The following LHFPL6 variants were observed in gnomAD, a reference collection of about 807,000 sequenced individuals.
LHFPL6 encodes LHFPL tetraspan subfamily member 6 protein.
A neutral mutation model predicts 20.6 loss-of-function variants in LHFPL6; 9 were observed. The ratio of observed to expected loss-of-function variants is 0.44; its 90% CI spans 0.26 to 0.76. The LOEUF is 0.76. LHFPL6 is among the 30% of genes least tolerant of loss of function. The pLI, the probability that LHFPL6 is intolerant of heterozygous loss-of-function variation, is 0.20. For missense variants in LHFPL6, 218 were observed against 253.5 expected (o/e 0.86, Z 0.95); for synonymous variants, 105 against 98.7 (o/e 1.06, Z -0.38).
intron 2 of LHFPL6, among the ~76,000 whole-genome samples, chr13:39,595,088 G>T (rs1286266562): frequency 6.6e-6 from 1 of 151,992 alleles, no homozygotes; most frequent in Admixed American, 6.6e-5. Flanking sequence ...TGCACGTTGT[G>T]CACATGTACC....
chr13:39,406,223 A>G (rs1448497297), intron 2 of LHFPL6, among the ~76,000 whole-genome samples: 1 of 152,212 alleles, frequency 6.6e-6, no homozygotes, highest in Non-Finnish European at 1.5e-5. Flanking sequence ...ACAATACACC[A>G]TTTGAGGAAG....
At chr13:39,523,028 G>C (rs1355120016) in intron 2 of LHFPL6, among the ~76,000 whole-genome samples, 1 of 152,104 alleles carries the variant, frequency 6.6e-6, no homozygotes, top group East Asian at 1.9e-4. Flanking sequence ...CTACTCAAAA[G>C]TCTTTGTAGG....
intron 2 of LHFPL6, among the ~76,000 whole-genome samples, chr13:39,558,231 G>A (rs1042695119): frequency 2.0e-5 from 3 of 152,110 alleles, no homozygotes; most frequent in African/African-American, 4.8e-5. Flanking sequence ...GATGAGCTGT[G>A]GGGCCTTGGA....
intron 3 of LHFPL6, among the ~76,000 whole-genome samples, chr13:39,374,617 T>C (rs1462718260): frequency 1.3e-5 from 2 of 152,120 alleles, no homozygotes; most frequent in Admixed American, 6.5e-5. Flanking sequence ...AGAGACCATA[T>C]AACTCACAAA....
intron 2 of LHFPL6, among the ~76,000 whole-genome samples, chr13:39,508,401 C>G (rs751717991): frequency 1.3e-5 from 2 of 152,170 alleles, no homozygotes; most frequent in Non-Finnish European, 2.9e-5. Flanking sequence ...ATGGCAAAAC[C>G]ATCACCACAA....
At chr13:39,518,681 A>G (rs1191820839) in intron 2 of LHFPL6, among the ~76,000 whole-genome samples, 1 of 152,214 alleles carries the variant, frequency 6.6e-6, no homozygotes, top group Non-Finnish European at 1.5e-5. Flanking sequence ...CTTCTACAAT[A>G]GTATTTCTCA....
chr13:39,444,647 G>A (rs1269603563), intron 2 of LHFPL6, among the ~76,000 whole-genome samples: 1 of 151,524 alleles, frequency 6.6e-6, no homozygotes, highest in African/African-American at 2.4e-5. Context: ...CCACTCCACA[G>A]GGTACAAGCT....
intron 2 of LHFPL6, among the ~76,000 whole-genome samples, chr13:39,390,676 T>C (rs1870684278): frequency 1.3e-5 from 2 of 151,930 alleles, no homozygotes; most frequent in Admixed American, 1.3e-4. Flanking sequence ...TACTCCTAAA[T>C]CCATACAAAT....
At chr13:39,517,584 C>G (rs147904981) in intron 2 of LHFPL6, among the ~76,000 whole-genome samples, 63 of 152,310 alleles carry the variant, frequency 4.1e-4, no homozygotes, top group African/African-American at 1.3e-3. Flanking sequence ...TTCCTCAACT[C>G]CTTGAAAAAT....
At chr13:39,538,873 G>C (rs1186088480) in intron 2 of LHFPL6, among the ~76,000 whole-genome samples, 2 of 152,134 alleles carry the variant, frequency 1.3e-5, no homozygotes, top group Non-Finnish European at 2.9e-5. Flanking sequence ...TATAAAATGT[G>C]ATTTATTCAT....
At chr13:39,409,283 G>A (rs1014763866) in intron 2 of LHFPL6, among the ~76,000 whole-genome samples, 10 of 151,834 alleles carry the variant, frequency 6.6e-5, no homozygotes, top group Non-Finnish European at 1.3e-4. Context: ...GTGAAACCCC[G>A]TCTCTACTAA....
At chr13:39,555,541 T>C (rs1328053857) in intron 2 of LHFPL6, among the ~76,000 whole-genome samples, 2 of 152,300 alleles carry the variant, frequency 1.3e-5, no homozygotes, top group East Asian at 3.9e-4. Context: ...GTAAAATGAA[T>C]GGCTGAGGCT....
chr13:39,364,946 A>T (rs1869972593), intron 3 of LHFPL6, among the ~76,000 whole-genome samples: 2 of 152,222 alleles, frequency 1.3e-5, no homozygotes, highest in Admixed American at 1.3e-4. Flanking sequence ...GATAAAGCAA[A>T]CATGTTGGCT....
chr13:39,575,740 C>T (rs991780405), intron 2 of LHFPL6, among the ~76,000 whole-genome samples: 3 of 152,128 alleles, frequency 2.0e-5, no homozygotes, highest in Non-Finnish European at 4.4e-5. Flanking sequence ...GAGCTCCTTC[C>T]GCTGTGGGGT....
At chr13:39,359,725 C>T (rs1025046418) in intron 3 of LHFPL6, among the ~76,000 whole-genome samples, 1 of 151,988 alleles carries the variant, frequency 6.6e-6, no homozygotes, top group African/African-American at 2.4e-5. Context: ...ACCTCTGCAT[C>T]ACACAATATA....
At chr13:39,386,823 T>G (rs1224817960) in intron 2 of LHFPL6, among the ~76,000 whole-genome samples, 1 of 152,228 alleles carries the variant, frequency 6.6e-6, no homozygotes, top group South Asian at 2.1e-4. Flanking sequence ...CCTGACTTAC[T>G]GCACCTATTA....
intron 2 of LHFPL6, among the ~76,000 whole-genome samples, chr13:39,467,599 T>C (rs1455038925): frequency 1.3e-5 from 2 of 152,128 alleles, no homozygotes; most frequent in African/African-American, 4.8e-5. Context: ...GATCCACCAA[T>C]GAGAAATGCA....
In LHFPL6 at chr13:39,601,050, T is replaced by C; in HGVS notation, c.167A>G (p.Asp56Gly). ...CATCACCATCATCTGCCGACTCTCATCATGCACAGGATATGAGCACCTCCG... is the reference window on the plus strand; with the variant it reads ...CATCACCATCATCTGCCGACTCTCACCATGCACAGGATATGAGCACCTCCG... The part of the protein sequence containing the change: ...TFRRCSYPVH[D>G]ESRQMMVMVE... The change falls in exon 2 of 4, where the codon GAT (aspartate) becomes GGT (glycine). Residue 56 changes from aspartate (D) to glycine (G), a missense_variant. Transcript: ENST00000379589. The C allele has an allele frequency of 6.2e-7, 1 of 1,614,192 alleles. No individual in the cohort carries two copies. Among genetic ancestry groups the C allele is most frequent in the Non-Finnish European group, 8.5e-7 (1 of 1,180,034 alleles).
intron 2 of LHFPL6, among the ~76,000 whole-genome samples, chr13:39,576,902 TC>T (rs1212195452): frequency 1.3e-5 from 2 of 152,166 alleles, no homozygotes; most frequent in Admixed American, 6.5e-5. Context: ...GTATTCAGTC[TC>T]CCAAATTATA....
Sources: gnomAD v4.1 joint callset for allele counts (sites outside exome capture counted in the v4.1 genomes callset) on GRCh38, gnomAD v4.1.1 for gene constraint, MANE v1.5 for transcripts, NCBI Gene and HGNC (gene_info 2026-07-23, HGNC 2026-07-21) for gene names.